The following SMYD3 variants were observed in gnomAD, a reference collection of about 807,000 sequenced individuals.
The protein encoded by SMYD3 is SET and MYND domain containing 3.
A neutral mutation model predicts 57.7 loss-of-function variants in SMYD3; 36 were observed. That is an observed-to-expected ratio of 0.62 (90% CI 0.48 to 0.82). SMYD3 has a LOEUF of 0.82. Ranked by LOEUF, SMYD3 falls within the 40% of genes least tolerant of loss-of-function variation. The pLI is 0.00. For missense variants in SMYD3, 515 were observed against 538.8 expected, an observed-to-expected ratio of 0.96 and a Z score of 0.44; for synonymous variants, 211 against 195.0, an observed-to-expected ratio of 1.08 and a Z score of -0.68.
In SMYD3 at chr1:245,941,105, C is replaced by A. The variant is rs554616552; in HGVS notation, c.532-11168G>T. On this transcript the variant is annotated intron_variant, in intron 5 of 11. Coordinates refer to ENST00000490107, the MANE Select transcript of SMYD3 (RefSeq NM_001167740.2). ...GTCTTGCTGAAATAAGACAGGTAGA[C>A]AAGATTAGAGAAAAAAGAATGAAAA... 1.7e-4 allele frequency among the ~76,000 whole-genome samples: 26 copies of A among 151,988 alleles called. 1 individual carries two copies. The highest frequency in any genetic ancestry group is 5.8e-4 in the African/African-American group (24 of 41,434).
At chr1:246,154,820 C>T (rs1228255689) in intron 5 of SMYD3, among the ~76,000 whole-genome samples, 14 of 148,458 alleles carry the variant, frequency 9.4e-5, no homozygotes, top group African/African-American at 3.0e-4. Context: ...CTCACTCTGT[C>T]GCCCAGGCTG....
At chr1:246,505,469 T>C (rs2068523051) in intron 1 of SMYD3, among the ~76,000 whole-genome samples, 1 of 149,792 alleles carries the variant, frequency 6.7e-6, no homozygotes, top group South Asian at 2.1e-4. Context: ...GTGTCTATGG[T>C]GTTCGTGGTA....
intron 5 of SMYD3, among the ~76,000 whole-genome samples, chr1:246,148,865 G>A (rs927161807): frequency 2.6e-5 from 4 of 152,166 alleles, no homozygotes; most frequent in Non-Finnish European, 5.9e-5. Flanking sequence ...GCCATCAGAG[G>A]ACACCAGGGC....
chr1:245,990,946 C>G (rs548899740), intron 5 of SMYD3, among the ~76,000 whole-genome samples: 53 of 152,314 alleles, frequency 3.5e-4, no homozygotes, highest in African/African-American at 1.3e-3. Context: ...AACAGTAGTG[C>G]TGTTTAAAAA....
chr1:245,826,135 G>C (rs2049479337), intron 10 of SMYD3, among the ~76,000 whole-genome samples: 1 of 151,398 alleles, frequency 6.6e-6, no homozygotes, highest in African/African-American at 2.4e-5. Flanking sequence ...TCACACTGTT[G>C]TATAACAGTC....
rs2068556542 is a variant in SMYD3 at position 246,507,110 on chromosome 1, C to G, written c.108G>C (p.Leu36Phe). ...GACTCCCCTTGCACACCGTGTACGC[C>G]AAGGGATCCGAGCGGAAGAGTAGCT... ...PGELLFRSDP[L>F]AYTVCKGSRG... Residue 36 changes from leucine (L) to phenylalanine (F), a missense_variant, in exon 1 of 12, where the codon TTG (leucine) becomes TTC (phenylalanine). Transcript: ENST00000490107. 5 of 1,532,940 alleles carry G rather than the reference C, an allele frequency of 3.3e-6. No homozygotes were observed. Among genetic ancestry groups the G allele is most frequent in the Non-Finnish European group, 4.4e-6 (5 of 1,139,900 alleles). 95.0% of individuals were successfully genotyped at this position (1,532,940 alleles called of 1,614,324 possible). A position where few individuals can be genotyped will look rare whatever the true frequency, so the allele number is the denominator to read the frequency against.
chr1:245,801,404 C>T (rs569226778), intron 10 of SMYD3, among the ~76,000 whole-genome samples: 42 of 152,152 alleles, frequency 2.8e-4, no homozygotes, highest in Non-Finnish European at 5.0e-4. Flanking sequence ...TTTCTAGCCA[C>T]GGTAACTAAA....
chr1:245,830,510 G>C (rs2049772849), intron 10 of SMYD3, among the ~76,000 whole-genome samples: 1 of 152,092 alleles, frequency 6.6e-6, no homozygotes, highest in African/African-American at 2.4e-5. Context: ...GGTGAGATTT[G>C]GGTGGGGACA....
chr1:246,067,503 G>A (rs2060362922), intron 5 of SMYD3, among the ~76,000 whole-genome samples: 1 of 152,140 alleles, frequency 6.6e-6, no homozygotes, highest in South Asian at 2.1e-4. Flanking sequence ...TTATCACCAG[G>A]TGTGTCAGGA....
rs1338031175 is a variant in SMYD3, at chr1:246,225,340, A to C, written c.531+101861T>G. Among the ~76,000 whole-genome samples, 41 of 124,442 alleles carry C rather than the reference A, an allele frequency of 3.3e-4. 1 individual carries two copies. Among genetic ancestry groups the C allele is most frequent in the South Asian group, 1.2e-3 (4 of 3,408 alleles). 81.6% of individuals were successfully genotyped at this position (124,442 alleles called of 152,430 possible). A position where few individuals can be genotyped will look rare whatever the true frequency, so the allele number is the denominator to read the frequency against. ...AAAAGTCAAAAAAAAAAAAAAAAAAAAAAAAAAAAAAAAAAAACAGAAAAG... is the reference window on the plus strand; with the variant it reads ...AAAAGTCAAAAAAAAAAAAAAAAAACAAAAAAAAAAAAAAAAACAGAAAAG... On this transcript the variant is annotated intron_variant, in intron 5 of 11. Coordinates refer to ENST00000490107, the MANE Select transcript of SMYD3 (RefSeq NM_001167740.2).
chr1:245,853,527 T>C (rs1326835360), intron 10 of SMYD3, among the ~76,000 whole-genome samples: 3 of 152,088 alleles, frequency 2.0e-5, no homozygotes, highest in African/African-American at 7.2e-5. Flanking sequence ...GCACCAAACG[T>C]GCGCTCAGGT....
intron 5 of SMYD3, among the ~76,000 whole-genome samples, chr1:246,264,805 A>C (rs948468286): frequency 6.6e-6 from 1 of 152,208 alleles, no homozygotes; most frequent in African/African-American, 2.4e-5. Flanking sequence ...TCTACAAAGA[A>C]AGACAGTGGG....
At chr1:246,234,024 C>T (rs2063470769) in intron 5 of SMYD3, among the ~76,000 whole-genome samples, 1 of 142,176 alleles carries the variant, frequency 7.0e-6, no homozygotes, top group Non-Finnish European at 1.5e-5. Context: ...GAGAAGCACT[C>T]CTTCAATCCA....
rs1558275730 is a variant in SMYD3 at position 246,157,654 on chromosome 1, C to CTTT, written c.531+169546_531+169547insAAA. Among the ~76,000 whole-genome samples the CTTT allele has an allele frequency of 1.6e-3, 244 of 152,136 alleles. 1 individual carries two copies. The highest frequency in any genetic ancestry group is 5.4e-3 in the African/African-American group (226 of 41,514). On this transcript the variant is annotated intron_variant, in intron 5 of 11. Coordinates refer to ENST00000490107, the MANE Select transcript of SMYD3 (RefSeq NM_001167740.2). The stretch of plus-strand genomic sequence containing the variant: ...ACAACAATAAGCTTTGTCTTTTTTC[C>CTTT]CCCCCATAGGTCAGCTTCCTTCTTT...
At position 245,895,604 on chromosome 1, in the gene SMYD3, C is replaced by T. The variant is rs551214914; in HGVS notation, c.813+19926G>A. 9.8e-5 allele frequency among the ~76,000 whole-genome samples: 15 copies of T among 152,336 alleles called. No homozygotes were observed. The South Asian group carries it at 3.1e-3, about 32-fold the overall frequency. On this transcript the variant is annotated intron_variant, in intron 8 of 11. Transcript: ENST00000490107. ...TTTCTTGGGCTGAGAACTTTCATTT[C>T]CTTTGAATATAACTTTTGCGCTAAC...
intron 5 of SMYD3, among the ~76,000 whole-genome samples, chr1:246,166,156 T>G (rs893703438): frequency 1.3e-5 from 2 of 152,070 alleles, no homozygotes; most frequent in Non-Finnish European, 2.9e-5. Context: ...CTCAAGGATT[T>G]AGTGCAGTGT....
In SMYD3 at chr1:246,463,197, A is replaced by C. The variant is rs115711824; in HGVS notation, c.164+43857T>G. ...GAACAAGAATGAATACCAGGTGACG[A>C]ATCAGGAGACTAAGATAGAAATTTA... is the stretch of plus-strand genomic sequence containing the variant. On this transcript the variant is annotated intron_variant, in intron 1 of 11. Transcript: ENST00000490107. 8.9e-3 allele frequency among the ~76,000 whole-genome samples: 1,356 copies of C among 152,230 alleles called. 29 individuals carry two copies. The highest frequency in any genetic ancestry group is 0.031 in the African/African-American group (1,271 of 41,540).
At chr1:246,230,699 A>T (rs1434976920) in intron 5 of SMYD3, among the ~76,000 whole-genome samples, 4 of 152,344 alleles carry the variant, frequency 2.6e-5, no homozygotes, top group Admixed American at 2.6e-4. Flanking sequence ...ATTCTCCCAG[A>T]GCAGAACTGT....
intron 8 of SMYD3, among the ~76,000 whole-genome samples, chr1:245,903,147 GAACC>G (rs1394748088): frequency 2.0e-5 from 3 of 152,014 alleles, no homozygotes; most frequent in Non-Finnish European, 4.4e-5. Flanking sequence ...ATCGTAAAAA[GAACC>G]AAAGAGAAAT....
Sources: gnomAD v4.1 joint callset for allele counts (sites outside exome capture counted in the v4.1 genomes callset) on GRCh38, gnomAD v4.1.1 for gene constraint, MANE v1.5 for transcripts, NCBI Gene and HGNC (gene_info 2026-07-23, HGNC 2026-07-21) for gene names.